The following CSMD1 variants were observed in gnomAD, a reference collection of about 807,000 sequenced individuals.
The protein encoded by CSMD1 is CUB and Sushi multiple domains 1.
In CSMD1, 213 loss-of-function variants were observed where a neutral mutation model predicts 417.5. That is an observed-to-expected ratio of 0.51 (90% CI 0.46 to 0.57). The LOEUF (loss-of-function observed/expected upper bound fraction) is 0.57. Among genes scored for constraint, CSMD1 ranks in the 20% least tolerant of loss-of-function variants. The pLI, the probability that CSMD1 is intolerant of heterozygous loss-of-function variation, is 0.00. For synonymous variants in CSMD1, 2,862 were observed against 1,736.8 expected (o/e 1.65, Z -16.11); for missense variants, 6,923 against 4,529.7 (o/e 1.53, Z -15.17).
chr8:4,161,928 T>G (rs188417418), intron 3 of CSMD1, among the ~76,000 whole-genome samples: 14 of 152,342 alleles, frequency 9.2e-5, no homozygotes, highest in African/African-American at 3.4e-4. Context: ...CCCTTTCGTT[T>G]AAATATTCAG....
At chr8:3,824,817 A>C (rs1801959726) in intron 5 of CSMD1, among the ~76,000 whole-genome samples, 1 of 152,134 alleles carries the variant, frequency 6.6e-6, no homozygotes, top group Non-Finnish European at 1.5e-5. Flanking sequence ...TGGATGAGCA[A>C]ATTGAAAAAA....
intron 12 of CSMD1, among the ~76,000 whole-genome samples, chr8:3,444,098 C>G (rs1181656590): frequency 6.6e-6 from 1 of 152,178 alleles, no homozygotes; most frequent in Non-Finnish European, 1.5e-5. Context: ...TACACACTCA[C>G]TCCCTATCGA....
chr8:3,441,492 C>CATATATATATATATATATAT lies in CSMD1; in HGVS notation c.1561+27219_1561+27220insATATATATATATATATATAT, dbSNP rs377759438. ...TTCATTTGCTTATGGCATATAATTT[C>CATATATATATATATATATAT]ATATATATATATATATATACACACA... On this transcript the variant is annotated intron_variant, in intron 12 of 69. Transcript: ENST00000635120. 6.3e-4 allele frequency among the ~76,000 whole-genome samples: 91 copies of CATATATATATATATATATAT among 143,888 alleles called. 1 individual carries two copies. Among genetic ancestry groups the CATATATATATATATATATAT allele is most frequent in the East Asian group, 4.4e-3 (21 of 4,742 alleles). 94.4% of individuals were successfully genotyped at this position (143,888 alleles called of 152,430 possible).
intron 5 of CSMD1, among the ~76,000 whole-genome samples, chr8:3,847,711 T>A (rs1803605242): frequency 6.6e-6 from 1 of 152,124 alleles, no homozygotes; most frequent in African/African-American, 2.4e-5. Context: ...TACAGAATGC[T>A]TCCTTATAGC....
intron 10 of CSMD1, among the ~76,000 whole-genome samples, chr8:3,556,419 A>ATATT (rs1211530784): frequency 6.8e-6 from 1 of 146,002 alleles, no homozygotes; most frequent in African/African-American, 2.5e-5. Flanking sequence ...ATATATTCAC[A>ATATT]CACACAAAGA....
chr8:4,235,577 T>A (rs1043693126), intron 3 of CSMD1, among the ~76,000 whole-genome samples: 1 of 152,214 alleles, frequency 6.6e-6, no homozygotes, highest in Admixed American at 6.5e-5. Flanking sequence ...TTATAAAGAA[T>A]TCCATCTAGT....
chr8:3,496,256 C>A (rs999650142), intron 10 of CSMD1, among the ~76,000 whole-genome samples: 1 of 152,192 alleles, frequency 6.6e-6, no homozygotes, highest in Non-Finnish European at 1.5e-5. Context: ...AAGCCAGTCT[C>A]TTTGCCAAAA....
intron 3 of CSMD1, among the ~76,000 whole-genome samples, chr8:4,299,615 A>C (rs7845852): frequency 0.67 from 102,042 of 151,952 alleles, 34,569 homozygotes; most frequent in East Asian, 0.86. Flanking sequence ...TTTTTGTATC[A>C]TATCATATAT....
At chr8:4,234,030 G>T (rs896010845) in intron 3 of CSMD1, among the ~76,000 whole-genome samples, 1 of 152,076 alleles carries the variant, frequency 6.6e-6, no homozygotes, top group African/African-American at 2.4e-5. Context: ...CTGGTTAAGA[G>T]TCTACCATCA....
chr8:3,971,157 GC>G (rs71534376), intron 5 of CSMD1, among the ~76,000 whole-genome samples: 1 of 111,960 alleles, frequency 8.9e-6, no homozygotes, highest in Non-Finnish European at 2.0e-5. Flanking sequence ...TATTTACGCT[GC>G]CTCCTGGCAT....
Position 4,787,749 on chromosome 8 carries a change from T to C in CSMD1, c.86-150191A>G. 2.5e-6 allele frequency: 4 copies of C among 1,588,604 alleles called. No homozygotes were observed. In the South Asian group the frequency reaches 4.4e-5, roughly 18 times the overall value. ...CACAGTGGTCTGAGGAACAGCTGATTGCTGCAAAATTTTGCTTCGCTGGAC... is the reference window on the plus strand; with the variant it reads ...CACAGTGGTCTGAGGAACAGCTGATCGCTGCAAAATTTTGCTTCGCTGGAC... On this transcript the variant is annotated intron_variant, in intron 1 of 69. Transcript: ENST00000635120.
chr8:3,087,151 T>C lies in CSMD1; in HGVS notation c.7420A>G (p.Arg2474Gly). ...TGGTACATGCCAAGTGGGTTTCGTC[T>C]ACAGGTTGCATTGCTGTGGCCGACC... ...RMVGHSNATC[R>G]RNPLGMYQWD... The change falls in exon 49 of 70, where the codon AGA (arginine) becomes GGA (glycine). Residue 2474 changes from arginine to glycine, a missense_variant. By Grantham distance (125) the Arg-to-Gly change is moderately radical (BLOSUM62 -2). Coordinates refer to ENST00000635120, the MANE Select transcript of CSMD1 (RefSeq NM_033225.6). The C allele has an allele frequency of 1.2e-6, 2 of 1,613,878 alleles. No individual in the cohort carries two copies. The highest frequency in any genetic ancestry group is 1.7e-6 in the Non-Finnish European group (2 of 1,179,906).
At chr8:4,574,080 G>A (rs1158511303) in intron 2 of CSMD1, among the ~76,000 whole-genome samples, 1 of 152,088 alleles carries the variant, frequency 6.6e-6, no homozygotes. Flanking sequence ...GGGACCCACT[G>A]AGCAAGACCA....
chr8:4,519,081 A>G (rs1047447217), intron 2 of CSMD1, among the ~76,000 whole-genome samples: 3 of 152,156 alleles, frequency 2.0e-5, no homozygotes, highest in Non-Finnish European at 1.5e-5. Context: ...ATTCCCACCA[A>G]TTTAATCTCA....
chr8:4,208,318 A>T (rs925862622), intron 3 of CSMD1, among the ~76,000 whole-genome samples: 4 of 152,214 alleles, frequency 2.6e-5, no homozygotes, highest in African/African-American at 9.6e-5. Flanking sequence ...GAGAAGAAAT[A>T]AAAGCAAATC....
intron 4 of CSMD1, among the ~76,000 whole-genome samples, chr8:3,998,951 A>C (rs1374822581): frequency 6.7e-6 from 1 of 148,770 alleles, no homozygotes; most frequent in Non-Finnish European, 1.5e-5. Context: ...TAAATAACAA[A>C]CTATATGGTA....
intron 10 of CSMD1, among the ~76,000 whole-genome samples, chr8:3,502,155 G>C (rs551841818): frequency 3.3e-5 from 5 of 151,888 alleles, no homozygotes; most frequent in African/African-American, 7.3e-5. Context: ...ACGAGGTCAG[G>C]AGATCGAGAC....
At chr8:3,984,034 C>T (rs1247103864) in intron 5 of CSMD1, among the ~76,000 whole-genome samples, 1 of 148,334 alleles carries the variant, frequency 6.7e-6, no homozygotes, top group Non-Finnish European at 1.5e-5. Context: ...CTCTAGAGCA[C>T]ACGGCAGATC....
chr8:3,364,137 G>GCT (rs1435274258), intron 20 of CSMD1, among the ~76,000 whole-genome samples: 3 of 151,562 alleles, frequency 2.0e-5, no homozygotes, highest in Admixed American at 6.6e-5. Flanking sequence ...GTATAATAAA[G>GCT]TTGCTAGTTA....
Sources: gnomAD v4.1 joint callset for allele counts (sites outside exome capture counted in the v4.1 genomes callset) on GRCh38, gnomAD v4.1.1 for gene constraint, MANE v1.5 for transcripts, NCBI Gene and HGNC (gene_info 2026-07-23, HGNC 2026-07-21) for gene names.